The following SPRED1 variants were observed in gnomAD, a reference collection of about 807,000 sequenced individuals.
SPRED1 encodes the protein sprouty related EVH1 domain containing 1.
In SPRED1, 18 loss-of-function variants were observed where a neutral mutation model predicts 52.3. The observed-to-expected ratio is 0.34, with a 90% confidence interval of 0.24 to 0.51. The LOEUF (loss-of-function observed/expected upper bound fraction) is 0.51. SPRED1 is among the 20% of genes least tolerant of loss of function. SPRED1 has a pLI of 0.97. For missense variants in SPRED1, 485 were observed against 551.0 expected (o/e 0.88, Z 1.20); for synonymous variants, 155 against 179.7 (o/e 0.86, Z 1.10).
At chr15:38,256,055 G>A (rs1168144836) in intron 1 of SPRED1, among the ~76,000 whole-genome samples, 2 of 152,142 alleles carry the variant, frequency 1.3e-5, no homozygotes, top group African/African-American at 4.8e-5. Flanking sequence ...GGCTGACTGT[G>A]AGAATATATT....
intron 1 of SPRED1, among the ~76,000 whole-genome samples, chr15:38,289,421 T>C (rs79970594): frequency 6.7e-6 from 1 of 149,448 alleles, no homozygotes; most frequent in African/African-American, 2.5e-5. Flanking sequence ...TTTTTTTTTT[T>C]CCTGTTATAT....
At chr15:38,273,777 G>A (rs1303535381) in intron 1 of SPRED1, among the ~76,000 whole-genome samples, 2 of 152,076 alleles carry the variant, frequency 1.3e-5, no homozygotes, top group Non-Finnish European at 2.9e-5. Flanking sequence ...CAAACTGCCC[G>A]GATTTCTGAT....
intron 1 of SPRED1, among the ~76,000 whole-genome samples, chr15:38,256,625 GAC>G (rs1166153873): frequency 2.6e-5 from 4 of 152,126 alleles, no homozygotes; most frequent in African/African-American, 9.6e-5. Context: ...ACTAGAATTA[GAC>G]CATGTATGAT....
intron 6 of SPRED1, among the ~76,000 whole-genome samples, chr15:38,350,566 A>G (rs1364105225): frequency 6.6e-6 from 1 of 152,044 alleles, no homozygotes; most frequent in Non-Finnish European, 1.5e-5. Context: ...CCTTATCCTA[A>G]CAGCCCCAAA....
chr15:38,295,507 CTG>C (rs765070673), intron 1 of SPRED1, among the ~76,000 whole-genome samples: 2 of 152,072 alleles, frequency 1.3e-5, no homozygotes, highest in Non-Finnish European at 2.9e-5. Flanking sequence ...TACGTGGAGT[CTG>C]TTGTTGACGG....
At chr15:38,294,962 G>A (rs1200007105) in intron 1 of SPRED1, among the ~76,000 whole-genome samples, 1 of 152,138 alleles carries the variant, frequency 6.6e-6, no homozygotes, top group Non-Finnish European at 1.5e-5. Context: ...GGTGTAAAGG[G>A]TAAAGTTGCT....
In SPRED1 at chr15:38,299,620, G is replaced by T. The variant is rs1895113826; in HGVS notation, c.207+73G>T. On this transcript the variant is annotated intron_variant, in intron 2 of 6. Transcript: ENST00000299084. Reference sequence around the variant, plus strand: ...TGTTTAAAGTTATGATTAGTATACTGTTGTGAGTTTTTTTCACCTGTGAAT... The same window carrying T: ...TGTTTAAAGTTATGATTAGTATACTTTTGTGAGTTTTTTTCACCTGTGAAT... 4.1e-6 allele frequency: 6 copies of T among 1,463,758 alleles called. No homozygotes were observed. The Admixed American group carries it at 1.1e-4, about 26-fold the overall frequency. 90.7% of individuals were successfully genotyped at this position (1,463,758 alleles called of 1,614,324 possible). A position where few individuals can be genotyped will look rare whatever the true frequency, so the allele number is the denominator to read the frequency against.
At chr15:38,264,448 GAA>G (rs773356594) in intron 1 of SPRED1, among the ~76,000 whole-genome samples, 3 of 152,208 alleles carry the variant, frequency 2.0e-5, no homozygotes, top group Non-Finnish European at 4.4e-5. Flanking sequence ...GGGAAAAATG[GAA>G]AGACAAAGAG....
At chr15:38,322,661 G>C (rs1895628932) in intron 3 of SPRED1, among the ~76,000 whole-genome samples, 1 of 152,124 alleles carries the variant, frequency 6.6e-6, no homozygotes. Context: ...GCTGACTTCA[G>C]ATAATTCAAA....
At chr15:38,283,354 A>G (rs1894735293) in intron 1 of SPRED1, 3 of 213,798 alleles carry the variant, frequency 1.4e-5, no homozygotes, top group Admixed American at 6.5e-5. Context: ...GGGGATTACA[A>G]TTCAAGATGA....
Position 38,348,651 on chromosome 15 carries a change from A to G in SPRED1, c.583-771A>G, listed in dbSNP as rs186006469. Among the ~76,000 whole-genome samples, 9 of 152,238 alleles carry G rather than the reference A, an allele frequency of 5.9e-5. No individual in the cohort carries two copies. The East Asian group carries it at 1.3e-3, about 23-fold the overall frequency. On this transcript the variant is annotated intron_variant, in intron 5 of 6. Coordinates refer to ENST00000299084, the MANE Select transcript of SPRED1 (RefSeq NM_152594.3). ...GTATGTAACAGTAGGAGTTGGCTCA[A>G]AATTATCTGGAAAAATAAGAAGTAA...
At chr15:38,349,571 AG>A (rs1469035508) in intron 6 of SPRED1, 48 bp downstream of exon 6, 3 of 438,444 alleles carry the variant, frequency 6.8e-6, no homozygotes, top group Non-Finnish European at 1.2e-5. Flanking sequence ...ACTAATTAAT[AG>A]ATAGGTAAAG....
chr15:38,257,566 G>C (rs146777835), intron 1 of SPRED1, among the ~76,000 whole-genome samples: 1 of 152,250 alleles, frequency 6.6e-6, no homozygotes, highest in African/African-American at 2.4e-5. Context: ...GTCCTAAAGT[G>C]CTGTTGGGAT....
At chr15:38,270,134 C>A (rs993727811) in intron 1 of SPRED1, among the ~76,000 whole-genome samples, 1 of 152,024 alleles carries the variant, frequency 6.6e-6, no homozygotes, top group Non-Finnish European at 1.5e-5. Flanking sequence ...CATGAACTCC[C>A]GACCTCAGGT....
intron 2 of SPRED1, among the ~76,000 whole-genome samples, chr15:38,305,083 C>G (rs1482849229): frequency 1.3e-5 from 2 of 152,078 alleles, no homozygotes; most frequent in African/African-American, 4.8e-5. Context: ...AATCCCAGCA[C>G]TTTGGGAGGC....
At position 38,322,184 on chromosome 15, in the gene SPRED1, C is replaced by T. The variant is rs1319840824; in HGVS notation, c.208-57C>T. ...TATCACCTCAGTTTGTATTTATGAG[C>T]TACATTAGATGCATTTGATATATGT... On this transcript the variant is annotated intron_variant, in intron 2 of 6. Transcript: ENST00000299084. 4 of 1,515,518 alleles carry T rather than the reference C, an allele frequency of 2.6e-6. No homozygotes were observed. The African/African-American group carries it at 4.1e-5, about 16-fold the overall frequency. 93.9% of individuals were successfully genotyped at this position (1,515,518 alleles called of 1,614,324 possible).
At chr15:38,284,198 C>T (rs1251714380) in intron 1 of SPRED1, among the ~76,000 whole-genome samples, 1 of 152,120 alleles carries the variant, frequency 6.6e-6, no homozygotes, top group Non-Finnish European at 1.5e-5. Flanking sequence ...TGAAAATACA[C>T]ATCATAGTAG....
chr15:38,346,341 T>C (rs1175427153), intron 5 of SPRED1, among the ~76,000 whole-genome samples: 2 of 151,882 alleles, frequency 1.3e-5, no homozygotes, highest in African/African-American at 4.8e-5. Context: ...TCTGGATGGA[T>C]AGATACATTG....
chr15:38,267,917 A>G (rs190288599), intron 1 of SPRED1, among the ~76,000 whole-genome samples: 207 of 152,332 alleles, frequency 1.4e-3, no homozygotes, highest in Non-Finnish European at 1.2e-3. Context: ...GGATATACAT[A>G]TGAAAAGATT....
Sources: allele counts gnomAD v4.1 joint callset (sites outside exome capture counted in the v4.1 genomes callset), GRCh38; gene constraint gnomAD v4.1.1; transcripts MANE v1.5; gene names NCBI Gene and HGNC (gene_info 2026-07-23, HGNC 2026-07-21).